The following PRELID2 variants were observed in gnomAD, a reference collection of about 807,000 sequenced individuals.
PRELID2 encodes PRELI domain containing 2.
PRELID2 carries 25 observed loss-of-function variants against 28.4 expected under a neutral mutation model. The ratio of observed to expected loss-of-function variants is 0.88; its 90% CI spans 0.64 to 1.23. The LOEUF is 1.23. Ranked by LOEUF, PRELID2 falls within the 50% of genes most tolerant of loss-of-function variation. The probability of loss-of-function intolerance (pLI) is 0.00; values close to 1 mark genes in which losing one functional copy is unlikely to be tolerated. For synonymous variants in PRELID2, 76 were observed against 71.6 expected (o/e 1.06, Z -0.31); for missense variants, 201 against 214.4 (o/e 0.94, Z 0.39).
chr5:145,349,196 C>T, the PRELID2 span, among the ~76,000 whole-genome samples: 1 of 152,050 alleles, frequency 6.6e-6, no homozygotes, highest in Admixed American at 6.6e-5. Context: ...TGTGAAAATA[C>T]CCTATGAAGC....
the PRELID2 span, among the ~76,000 whole-genome samples, chr5:145,249,371 T>C: frequency 3.3e-5 from 5 of 152,182 alleles, no homozygotes; most frequent in Non-Finnish European, 7.4e-5. Context: ...GGCAGTCTGA[T>C]CCTTATACTC....
chr5:145,277,432 C>T, the PRELID2 span, among the ~76,000 whole-genome samples: 1 of 152,146 alleles, frequency 6.6e-6, no homozygotes, highest in Non-Finnish European at 1.5e-5. Flanking sequence ...ATTCATTTAA[C>T]TCTTCAACAA....
At chr5:145,296,625 C>G in the PRELID2 span, among the ~76,000 whole-genome samples, 1 of 152,078 alleles carries the variant, frequency 6.6e-6, no homozygotes, top group East Asian at 1.9e-4. Flanking sequence ...AAGTCTTTGC[C>G]ATTGTGAATA....
the PRELID2 span, among the ~76,000 whole-genome samples, chr5:145,276,693 T>C: frequency 5.3e-5 from 8 of 152,280 alleles, no homozygotes; most frequent in African/African-American, 1.9e-4. Flanking sequence ...GATGCTGTCA[T>C]GAATTGCTTT....
chr5:145,771,996 G>T (rs889934813), intron 5 of PRELID2, among the ~76,000 whole-genome samples: 6 of 152,182 alleles, frequency 3.9e-5, no homozygotes, highest in African/African-American at 1.4e-4. Context: ...ACTTCTCCAT[G>T]AAGAGATCTT....
intron 1 of PRELID2, among the ~76,000 whole-genome samples, chr5:145,631,446 A>G (rs563028316): frequency 3.2e-4 from 48 of 152,294 alleles, no homozygotes; most frequent in African/African-American, 1.0e-3. Context: ...TCAAATTTAC[A>G]TTTACAAAGT....
At chr5:145,479,265 G>A (rs867100073) in intron 1 of PRELID2, among the ~76,000 whole-genome samples, 3 of 152,140 alleles carry the variant, frequency 2.0e-5, no homozygotes, top group South Asian at 2.1e-4. Flanking sequence ...CTGAAAGAAA[G>A]CTTTCTTTTC....
Position 145,821,447 on chromosome 5 carries a change from G to A in PRELID2, c.134-1429C>T, listed in dbSNP as rs28540454. On this transcript the variant is annotated intron_variant, in intron 2 of 6. Transcript: ENST00000683046. ...TAGGACTGCAACCATTTTGTTCTGC[G>A]GTGAAGTTTCCAGAATTAAGCCAGG... Among the ~76,000 whole-genome samples the A allele has an allele frequency of 7.1e-3, 1,075 of 152,064 alleles. 15 individuals are homozygous for A. The highest frequency in any genetic ancestry group is 0.024 in the African/African-American group (1,010 of 41,462).
chr5:145,523,492 T>C (rs971002794), intron 1 of PRELID2, among the ~76,000 whole-genome samples: 1 of 152,150 alleles, frequency 6.6e-6, no homozygotes, highest in South Asian at 2.1e-4. Flanking sequence ...AAAATTTATT[T>C]CTCACAATCC....
chr5:145,786,466 A>G (rs762727809), intron 5 of PRELID2, among the ~76,000 whole-genome samples: 10 of 152,234 alleles, frequency 6.6e-5, no homozygotes, highest in Non-Finnish European at 1.5e-4. Context: ...CCCATGTGGC[A>G]AGGAACCAAG....
chr5:145,342,914 A>AAC, the PRELID2 span, among the ~76,000 whole-genome samples: 3 of 151,440 alleles, frequency 2.0e-5, no homozygotes, highest in African/African-American at 7.3e-5. Context: ...AAAAAAAAAA[A>AAC]AAAAGACAAA....
chr5:145,782,785 A>G (rs1751719857), intron 5 of PRELID2, among the ~76,000 whole-genome samples: 1 of 152,228 alleles, frequency 6.6e-6, no homozygotes, highest in African/African-American at 2.4e-5. Context: ...AGCTTAAACT[A>G]CTGCATTTTG....
chr5:145,690,446 T>G (rs955741774), intron 1 of PRELID2, among the ~76,000 whole-genome samples: 1 of 152,154 alleles, frequency 6.6e-6, no homozygotes, highest in African/African-American at 2.4e-5. Context: ...TGAAACCCAA[T>G]GAGACTAAGA....
At chr5:145,451,440 C>A in the PRELID2 span, among the ~76,000 whole-genome samples, 3 of 152,192 alleles carry the variant, frequency 2.0e-5, no homozygotes, top group African/African-American at 7.2e-5. Flanking sequence ...ATAACCAGAA[C>A]ACATGCCTAG....
chr5:145,574,474 T>G (rs1201356015), intron 1 of PRELID2, among the ~76,000 whole-genome samples: 1 of 152,236 alleles, frequency 6.6e-6, no homozygotes, highest in East Asian at 1.9e-4. Flanking sequence ...CTATCTACCC[T>G]GCTGCCCCAC....
chr5:145,362,317 C>A, the PRELID2 span, among the ~76,000 whole-genome samples: 1 of 152,116 alleles, frequency 6.6e-6, no homozygotes, highest in Non-Finnish European at 1.5e-5. Context: ...ACCTGGCCTT[C>A]AGGTTTCATC....
the PRELID2 span, among the ~76,000 whole-genome samples, chr5:145,293,817 T>G: frequency 6.1e-4 from 93 of 152,284 alleles, no homozygotes; most frequent in African/African-American, 2.1e-3. Flanking sequence ...AGTAACCAGA[T>G]GCTGGGATTA....
the PRELID2 span, among the ~76,000 whole-genome samples, chr5:145,277,410 C>G: frequency 6.6e-6 from 1 of 152,132 alleles, no homozygotes; most frequent in African/African-American, 2.4e-5. Flanking sequence ...TGCTCCCATT[C>G]ATAAGGCTCC....
In PRELID2 at chr5:145,807,657, C is replaced by T. The variant is rs555811240; in HGVS notation, c.368+10237G>A. Among the ~76,000 whole-genome samples the T allele has an allele frequency of 5.3e-5, 8 of 152,184 alleles. No homozygotes were observed. In the East Asian group the frequency reaches 1.4e-3, roughly 26 times the overall value. The stretch of plus-strand genomic sequence containing the variant: ...TTTCCTACCAAATCCTACTGGGCTT[C>T]CCCTGCACTTACCCTGCAGCAAATT... On this transcript the variant is annotated intron_variant, in intron 4 of 6. Coordinates refer to ENST00000683046, the MANE Select transcript of PRELID2 (RefSeq NM_205846.3).
Sources: gnomAD v4.1 joint callset for allele counts (sites outside exome capture counted in the v4.1 genomes callset) on GRCh38, gnomAD v4.1.1 for gene constraint, MANE v1.5 for transcripts, NCBI Gene and HGNC (gene_info 2026-07-23, HGNC 2026-07-21) for gene names.